Variants in SBK1 observed in about 807,000 individuals in gnomAD.
The protein encoded by SBK1 is serine/threonine-protein kinase SBK1.
Under a neutral mutation model 24.4 loss-of-function variants are expected in SBK1, and 11 were observed. The observed-to-expected ratio is 0.45, with a 90% confidence interval of 0.28 to 0.75. The LOEUF (loss-of-function observed/expected upper bound fraction) is 0.75. Ranked by LOEUF, SBK1 falls within the 30% of genes least tolerant of loss-of-function variation. The pLI is 0.12. For missense variants in SBK1, 467 were observed against 620.5 expected, an observed-to-expected ratio of 0.75 and a Z score of 2.63; for synonymous variants, 308 against 284.4, an observed-to-expected ratio of 1.08 and a Z score of -0.83.
In SBK1 at chr16:28,293,235, C is replaced by G. The variant is rs1374521921; in HGVS notation, c.-73C>G. 2.0e-6 allele frequency: 2 copies of G among 985,440 alleles called. No individual in the cohort carries two copies. Among genetic ancestry groups the G allele is most frequent in the Non-Finnish European group, 2.4e-6 (2 of 829,936 alleles). The allele number at this position is 985,440 out of a possible 1,614,324, so 61.0% of individuals were successfully genotyped here. On this transcript the variant is annotated 5_prime_UTR_variant, in exon 1 of 4. Transcript: ENST00000341901. ...TCGTGGCGCCCTGAGCCCCCGGGGC[C>G]GGGCAGACGAAGACCGCGACGGCGC...
At chr16:28,302,101 A>C (rs1044185266) in intron 1 of SBK1, among the ~76,000 whole-genome samples, 1 of 152,218 alleles carries the variant, frequency 6.6e-6, no homozygotes, top group Non-Finnish European at 1.5e-5. Flanking sequence ...TGCATGTGCT[A>C]CATGGGACAT....
intron 1 of SBK1, among the ~76,000 whole-genome samples, chr16:28,296,324 A>C (rs2044640438): frequency 6.6e-6 from 1 of 151,878 alleles, no homozygotes; most frequent in African/African-American, 2.4e-5. Flanking sequence ...TGAACTCCTG[A>C]CCTCGTGATC....
intron 1 of SBK1, among the ~76,000 whole-genome samples, chr16:28,280,133 A>ATATATATATATG (rs2044521415): frequency 3.3e-5 from 2 of 60,640 alleles, no homozygotes; most frequent in African/African-American, 9.3e-5. Flanking sequence ...ATATATATAT[A>ATATATATATATG]TATATATATA....
At chr16:28,260,812 C>T (rs1382664066) in intron 1 of SBK1, among the ~76,000 whole-genome samples, 1 of 152,068 alleles carries the variant, frequency 6.6e-6, no homozygotes, top group African/African-American at 2.4e-5. Flanking sequence ...GGGTAGTGGG[C>T]ATCTTGATGG....
intron 1 of SBK1, among the ~76,000 whole-genome samples, chr16:28,269,137 G>A (rs886773857): frequency 2.0e-5 from 3 of 150,532 alleles, no homozygotes; most frequent in Non-Finnish European, 4.4e-5. Flanking sequence ...GGGTTCAAGC[G>A]ATTCTCCTGC....
At chr16:28,304,183 T>A (rs988416623) in intron 1 of SBK1, among the ~76,000 whole-genome samples, 1 of 152,298 alleles carries the variant, frequency 6.6e-6, no homozygotes, top group East Asian at 1.9e-4. Flanking sequence ...CAGAGTTTGG[T>A]CAAATGAATG....
Position 28,320,559 on chromosome 16 carries a change from C to G in SBK1, c.913C>G (p.Pro305Ala). 1 of 1,550,404 alleles carries G rather than the reference C, an allele frequency of 6.4e-7. No homozygotes were observed. The highest frequency in any genetic ancestry group is 8.7e-7 in the Non-Finnish European group (1 of 1,155,280). ...GGCCCTGGAGCCCGAGCGCCGCGGCCCAGCCAAGGAGGTGTTCCGCTTCCT... is the reference window on the plus strand; with the variant it reads ...GGCCCTGGAGCCCGAGCGCCGCGGCGCAGCCAAGGAGGTGTTCCGCTTCCT... ...LLALEPERRG[P>A]AKEVFRFLKH... The change falls in exon 4 of 4, where the codon CCA becomes GCA. Residue 305 changes from proline (P) to alanine (A), a missense_variant. Around this residue, in one of 4 missense-constraint regions of SBK1, gnomAD observed 86 missense variants for 121.7 expected, o/e 0.71. Transcript: ENST00000341901. The surrounding 1 kb of genome is among the most constrained non-coding windows in gnomAD (Gnocchi z 8.5).
chr16:28,269,206 G>C (rs12444306), intron 1 of SBK1, among the ~76,000 whole-genome samples: 1 of 151,472 alleles, frequency 6.6e-6, no homozygotes, highest in African/African-American at 2.4e-5. Flanking sequence ...GCTCACTTTT[G>C]TATTTTTTAG....
chr16:28,283,232 T>C (rs1261553866), intron 1 of SBK1, among the ~76,000 whole-genome samples: 13 of 152,094 alleles, frequency 8.5e-5, no homozygotes. Context: ...CGCCCGACCA[T>C]ACTCCCACAT....
intron 1 of SBK1, among the ~76,000 whole-genome samples, chr16:28,281,439 C>A (rs1048667821): frequency 6.6e-6 from 1 of 152,130 alleles, no homozygotes; most frequent in Non-Finnish European, 1.5e-5. Context: ...CAGGACAGTG[C>A]CCCTCCCAGG....
chr16:28,313,321 C>T (rs1465040631), intron 1 of SBK1, among the ~76,000 whole-genome samples: 2 of 150,026 alleles, frequency 1.3e-5, no homozygotes, highest in Non-Finnish European at 3.0e-5. Flanking sequence ...ATTTAAAAAA[C>T]GACAGGAGGC....
chr16:28,304,798 T>C (rs550314919), intron 1 of SBK1, among the ~76,000 whole-genome samples: 2 of 152,074 alleles, frequency 1.3e-5, no homozygotes, highest in Admixed American at 6.5e-5. Flanking sequence ...TTAGTAGAGA[T>C]GGGGTTTCAC....
At chr16:28,264,894 C>T (rs1737411791) in intron 1 of SBK1, among the ~76,000 whole-genome samples, 1 of 152,096 alleles carries the variant, frequency 6.6e-6, no homozygotes, top group African/African-American at 2.4e-5. Flanking sequence ...AGAGCCTGGG[C>T]AGTCACGGAA....
chr16:28,318,967 T>A, intron 2 of SBK1, 28 bp from the exon 3 acceptor site: 1 of 1,593,388 alleles, frequency 6.3e-7, no homozygotes, highest in Non-Finnish European at 8.6e-7. Flanking sequence ...AGAGGGGGCT[T>A]CAACCCTGTT....
chr16:28,313,302 T>A (rs550452077), intron 1 of SBK1, among the ~76,000 whole-genome samples: 6 of 142,760 alleles, frequency 4.2e-5, no homozygotes, highest in African/African-American at 1.6e-4. Flanking sequence ...TTAAAAAAAA[T>A]TTAATTTAAT....
At chr16:28,270,686 G>A (rs990529356) in intron 1 of SBK1, among the ~76,000 whole-genome samples, 2 of 151,976 alleles carry the variant, frequency 1.3e-5, no homozygotes, top group East Asian at 1.9e-4. Flanking sequence ...GCCTCCCAAA[G>A]TGCTGGGATT....
intron 2 of SBK1, among the ~76,000 whole-genome samples, chr16:28,318,143 C>T (rs1312993597): frequency 6.6e-6 from 1 of 152,186 alleles, no homozygotes; most frequent in Non-Finnish European, 1.5e-5. Flanking sequence ...GCTACAGAGG[C>T]TGTGAACCAA....
At chr16:28,315,871 T>C (rs1208404963) in intron 1 of SBK1, among the ~76,000 whole-genome samples, 5 of 152,126 alleles carry the variant, frequency 3.3e-5, no homozygotes, top group Admixed American at 3.3e-4. Context: ...GTTCAAGAAG[T>C]TCTCCTACCT....
At chr16:28,292,459 C>T (rs2044606357), upstream of SBK1, 3 of 865,316 alleles carry the variant, frequency 3.5e-6, no homozygotes, top group Non-Finnish European at 4.1e-6. Context: ...GGCGGCGGCG[C>T]GCGAGCCGGA....
Sources: allele counts gnomAD v4.1 joint callset (sites outside exome capture counted in the v4.1 genomes callset), GRCh38; gene constraint gnomAD v4.1.1; regional missense constraint gnomAD v4.1.1; non-coding constraint Gnocchi (gnomAD v3.1); transcripts MANE v1.5; gene names NCBI Gene and HGNC (gene_info 2026-07-23, HGNC 2026-07-21).